Variants in DLG1 observed in about 807,000 individuals in gnomAD.
DLG1 encodes the protein discs large MAGUK scaffold protein 1.
DLG1 carries 42 observed loss-of-function variants against 123.4 expected under a neutral mutation model. That is an observed-to-expected ratio of 0.34 (90% CI 0.27 to 0.44). The LOEUF (loss-of-function observed/expected upper bound fraction) is 0.44. DLG1 is among the 20% of genes least tolerant of loss of function. The probability of loss-of-function intolerance (pLI) is 1.00; values close to 1 mark genes in which losing one functional copy is unlikely to be tolerated. For missense variants in DLG1, 942 were observed against 1,082.6 expected (o/e 0.87, Z 1.82); for synonymous variants, 317 against 356.2 (o/e 0.89, Z 1.24).
At chr3:197,283,500 T>C (rs1770354414) in intron 3 of DLG1, among the ~76,000 whole-genome samples, 1 of 152,168 alleles carries the variant, frequency 6.6e-6, no homozygotes, top group South Asian at 2.1e-4. Context: ...AACTCTAAAA[T>C]AAATGATAAA....
At chr3:197,281,022 CTT>C (rs34918314) in intron 4 of DLG1, among the ~76,000 whole-genome samples, 27,175 of 133,098 alleles carry the variant, frequency 0.2, 2,387 homozygotes, top group African/African-American at 0.27. Context: ...TGTGGAGGCT[CTT>C]TTTTTTTTTT....
At chr3:197,051,699 A>G (rs1452810657) in intron 23 of DLG1, 31 bp from the exon 24 acceptor site, 12 of 1,500,600 alleles carry the variant, frequency 8.0e-6, no homozygotes, top group East Asian at 4.5e-5. Flanking sequence ...ATTGATAATT[A>G]CCAAATTATA....
At chr3:197,149,558 A>G (rs908401386) in intron 6 of DLG1, among the ~76,000 whole-genome samples, 185 bp downstream of exon 6, 2 of 152,182 alleles carry the variant, frequency 1.3e-5, no homozygotes, top group Non-Finnish European at 2.9e-5. Flanking sequence ...CAAAAGGAAA[A>G]AAAAATGACC....
At chr3:197,190,096 C>T (rs1204598752) in intron 5 of DLG1, among the ~76,000 whole-genome samples, 1 of 152,158 alleles carries the variant, frequency 6.6e-6, no homozygotes, top group Non-Finnish European at 1.5e-5. Flanking sequence ...GACTTCTCAT[C>T]TCTTATGGTC....
chr3:197,272,891 T>C (rs1480213360), intron 4 of DLG1, among the ~76,000 whole-genome samples: 1 of 152,196 alleles, frequency 6.6e-6, no homozygotes, highest in Non-Finnish European at 1.5e-5. Context: ...GGTATTTTTC[T>C]TTTTTAAACT....
At chr3:197,200,255 C>A (rs1724914014) in intron 4 of DLG1, among the ~76,000 whole-genome samples, 1 of 152,098 alleles carries the variant, frequency 6.6e-6, no homozygotes, top group Non-Finnish European at 1.5e-5. Context: ...CAATACCAGA[C>A]AGTTGAACAA....
intron 4 of DLG1, among the ~76,000 whole-genome samples, chr3:197,274,078 A>G (rs1488972108): frequency 6.6e-6 from 1 of 152,338 alleles, no homozygotes; most frequent in African/African-American, 2.4e-5. Context: ...TACCAGTGAC[A>G]TTCTTCATAG....
Position 197,142,775 on chromosome 3 carries a change from G to C in DLG1, c.538-7C>G, listed in dbSNP as rs1788681810. The C allele has an allele frequency of 6.2e-7, 1 of 1,601,006 alleles. No individual in the cohort carries two copies. The highest frequency in any genetic ancestry group is 8.5e-7 in the Non-Finnish European group (1 of 1,176,162). On this transcript the variant is annotated splice_polypyrimidine_tract_variant and splice_region_variant and intron_variant, in intron 6 of 24. Coordinates refer to ENST00000667157, the MANE Select transcript of DLG1 (RefSeq NM_001366207.1). ...CTGCATCTGTGCCATTAACCTACAG[G>C]GGAAAAGAAAAGCAGCTCAGAAACT...
At chr3:197,157,664 A>C (rs1796955665) in intron 5 of DLG1, among the ~76,000 whole-genome samples, 1 of 152,216 alleles carries the variant, frequency 6.6e-6, no homozygotes, top group South Asian at 2.1e-4. Context: ...AAATCCCAGT[A>C]GGGTTTTCAA....
At position 197,043,627 on chromosome 3, in the gene DLG1, ATAGT is replaced by A. The variant is rs1182673591; in HGVS notation, c.*992_*995del. 1 of 151,150 alleles carries A rather than the reference ATAGT, an allele frequency of 6.6e-6. No individual in the cohort carries two copies. The highest frequency in any genetic ancestry group is 1.5e-5 in the Non-Finnish European group (1 of 67,792). 9.4% of individuals were successfully genotyped at this position (151,150 alleles called of 1,614,324 possible). Reference sequence around the variant, plus strand: ...CAACTATGTAAAGAAAATAATTCCCATAGTTACAGTTTAAAGAAAGTTTTATATA... The same window carrying A: ...CAACTATGTAAAGAAAATAATTCCCATACAGTTTAAAGAAAGTTTTATATA... On this transcript the variant is annotated 3_prime_UTR_variant, in exon 25 of 25. Transcript: ENST00000667157.
intron 4 of DLG1, among the ~76,000 whole-genome samples, chr3:197,277,775 A>G (rs1358466202): frequency 6.6e-6 from 1 of 152,102 alleles, no homozygotes; most frequent in African/African-American, 2.4e-5. Flanking sequence ...TATAATCTCT[A>G]AAACTAACTC....
chr3:197,131,436 T>A (rs536005831), intron 10 of DLG1, among the ~76,000 whole-genome samples: 1 of 152,212 alleles, frequency 6.6e-6, no homozygotes, highest in Non-Finnish European at 1.5e-5. Context: ...CATTCACCTA[T>A]CTTCTGTATA....
intron 6 of DLG1, among the ~76,000 whole-genome samples, chr3:197,148,804 A>G: frequency 6.6e-6 from 1 of 152,202 alleles, no homozygotes; most frequent in Non-Finnish European, 1.5e-5. Flanking sequence ...TACAAAAGAA[A>G]AAATATAAAA....
At chr3:197,089,750 GA>G (rs1189405545) in intron 15 of DLG1, among the ~76,000 whole-genome samples, 2 of 151,878 alleles carry the variant, frequency 1.3e-5, no homozygotes, top group African/African-American at 2.4e-5. Context: ...AAAGAGAGTA[GA>G]AAAATCCATG....
At chr3:197,237,121 T>G (rs1052382002) in intron 4 of DLG1, among the ~76,000 whole-genome samples, 2 of 152,170 alleles carry the variant, frequency 1.3e-5, no homozygotes, top group Non-Finnish European at 2.9e-5. Flanking sequence ...AACATATCTT[T>G]TAAAGACAAT....
chr3:197,136,533 T>C lies in DLG1; in HGVS notation c.1020+9A>G. The C allele has an allele frequency of 6.2e-7, 1 of 1,601,770 alleles. No individual in the cohort carries two copies. The highest frequency in any genetic ancestry group is 1.1e-5 in the South Asian group (1 of 88,910). On this transcript the variant is annotated intron_variant, in intron 10 of 24. Coordinates refer to ENST00000667157, the MANE Select transcript of DLG1 (RefSeq NM_001366207.1). ...ATGATTTAAAAGACAATAGATTTCT[T>C]ATACTTACTGCTAAAAGTTTATCTC... is the stretch of plus-strand genomic sequence containing the variant.
At chr3:197,053,343 T>G (rs1198417026) in intron 23 of DLG1, among the ~76,000 whole-genome samples, 2 of 152,254 alleles carry the variant, frequency 1.3e-5, no homozygotes, top group Non-Finnish European at 2.9e-5. Flanking sequence ...TTAATTTATC[T>G]GGGCATGTGT....
chr3:197,198,749 G>A (rs1441710742), intron 4 of DLG1, among the ~76,000 whole-genome samples: 2 of 151,864 alleles, frequency 1.3e-5, no homozygotes, highest in African/African-American at 4.8e-5. Flanking sequence ...TCCAACATGA[G>A]GACCATAATA....
At chr3:197,067,457 G>T (rs555382525) in intron 19 of DLG1, among the ~76,000 whole-genome samples, 1 of 151,688 alleles carries the variant, frequency 6.6e-6, no homozygotes, top group South Asian at 2.1e-4. Context: ...TTAAAGGTTC[G>T]GAGCTTAGGA....
Sources: gnomAD v4.1 joint callset for allele counts (sites outside exome capture counted in the v4.1 genomes callset) on GRCh38, gnomAD v4.1.1 for gene constraint, MANE v1.5 for transcripts, NCBI Gene and HGNC (gene_info 2026-07-23, HGNC 2026-07-21) for gene names.